The following HMGCLL1 variants were observed in gnomAD, a reference collection of about 807,000 sequenced individuals.
HMGCLL1 encodes 3-hydroxymethyl-3-methylglutaryl-CoA lyase, cytoplasmic.
In HMGCLL1, 36 loss-of-function variants were observed where a neutral mutation model predicts 39.1. The ratio of observed to expected loss-of-function variants is 0.92; its 90% confidence interval spans 0.71 to 1.22. The LOEUF (loss-of-function observed/expected upper bound fraction) is 1.22, where lower values mean the gene tolerates loss of function less well. Ranked by LOEUF, HMGCLL1 falls within the 50% of genes most tolerant of loss-of-function variation. The pLI is 0.00. For synonymous variants in HMGCLL1, 149 were observed against 144.0 expected, an observed-to-expected ratio of 1.03 and a Z score of -0.25; for missense variants, 451 against 416.5, an observed-to-expected ratio of 1.08 and a Z score of -0.72.
At chr6:55,515,769 A>G (rs1767706534) in intron 4 of HMGCLL1, among the ~76,000 whole-genome samples, 1 of 152,096 alleles carries the variant, frequency 6.6e-6, no homozygotes, top group Non-Finnish European at 1.5e-5. Context: ...ATCAAATCAA[A>G]CCCAAGAGAA....
intron 7 of HMGCLL1, among the ~76,000 whole-genome samples, chr6:55,485,188 C>T (rs527955678): frequency 6.6e-6 from 1 of 152,220 alleles, no homozygotes; most frequent in Non-Finnish European, 1.5e-5. Context: ...CTGCAACCTG[C>T]CCCCTTTCAC....
intron 3 of HMGCLL1, among the ~76,000 whole-genome samples, chr6:55,530,528 C>T (rs1002997723): frequency 8.6e-5 from 13 of 151,916 alleles, no homozygotes; most frequent in African/African-American, 2.9e-4. Context: ...TTTTTAAAAG[C>T]AAAATAAAAT....
chr6:55,495,586 T>G lies in HMGCLL1; in HGVS notation c.628A>C (p.Met210Leu). 1 of 1,610,558 alleles carries G rather than the reference T, an allele frequency of 6.2e-7. No individual in the cohort carries two copies. The highest frequency in any genetic ancestry group is 8.5e-7 in the Non-Finnish European group (1 of 1,178,388). Residue 210 changes from methionine (M) to leucine (L), a missense_variant, in exon 7 of 9, where the codon ATG becomes CTG. Coordinates refer to ENST00000274901, the MANE Select transcript of HMGCLL1 (RefSeq NM_001042406.2). ...CCTAGAGAGATCTCATAACAACCCA[T>G]GCCGTACAATCTCTTAGACACCTGT... ...VTEVSKRLYG[M>L]GCYEISLGDT...
Position 55,542,766 on chromosome 6 carries a change from G to A in HMGCLL1, c.109-626C>T, listed in dbSNP as rs192847440. 7.1e-3 allele frequency among the ~76,000 whole-genome samples: 1,021 copies of A among 142,888 alleles called. 14 individuals carry two copies. Among genetic ancestry groups the A allele is most frequent in the African/African-American group, 0.025 (963 of 38,428 alleles). 93.7% of individuals were successfully genotyped at this position (142,888 alleles called of 152,430 possible). ...TGCACTCCAGCCTTGGTGACAGTGCGGAATTCCATCTCAAAAAATATATAT... is the reference window on the plus strand; with the variant it reads ...TGCACTCCAGCCTTGGTGACAGTGCAGAATTCCATCTCAAAAAATATATAT... On this transcript the variant is annotated intron_variant, in intron 1 of 8. Coordinates refer to ENST00000274901, the MANE Select transcript of HMGCLL1 (RefSeq NM_001042406.2).
chr6:55,665,421 T>TTTAAGTGCACAC, the HMGCLL1 span, among the ~76,000 whole-genome samples: 5 of 151,706 alleles, frequency 3.3e-5, no homozygotes, highest in Non-Finnish European at 7.4e-5. Flanking sequence ...CACAAGGTAA[T>TTTAAGTGCACAC]TTAAGTGCAC....
intron 8 of HMGCLL1, among the ~76,000 whole-genome samples, chr6:55,437,120 G>A (rs377210453): frequency 6.6e-6 from 1 of 151,828 alleles, no homozygotes; most frequent in African/African-American, 2.4e-5. Context: ...TGTTGATATC[G>A]CACCAAAGAA....
chr6:55,564,248 G>C (rs570070796), intron 1 of HMGCLL1, among the ~76,000 whole-genome samples: 2 of 151,974 alleles, frequency 1.3e-5, no homozygotes, highest in East Asian at 3.9e-4. Context: ...TGTATAATTT[G>C]TTGCAGTATC....
the HMGCLL1 span, among the ~76,000 whole-genome samples, chr6:55,675,145 A>G: frequency 6.6e-6 from 1 of 152,168 alleles, no homozygotes; most frequent in African/African-American, 2.4e-5. Context: ...CCATGTAAAC[A>G]TGGGCATAAG....
intron 1 of HMGCLL1, among the ~76,000 whole-genome samples, chr6:55,573,464 T>C (rs1771619042): frequency 1.3e-5 from 2 of 152,152 alleles, no homozygotes; most frequent in East Asian, 3.9e-4. Context: ...TATAATATGA[T>C]AGAGAATTGT....
upstream of HMGCLL1, among the ~76,000 whole-genome samples, chr6:55,580,924 C>A (rs1771974982): frequency 6.6e-6 from 1 of 152,118 alleles, no homozygotes; most frequent in Non-Finnish European, 1.5e-5. Context: ...GTGAAATGGA[C>A]GGTACTGGTT....
intron 6 of HMGCLL1, 39 bp from the exon 7 acceptor site, chr6:55,495,646 T>C: frequency 2.7e-6 from 4 of 1,492,810 alleles, no homozygotes; most frequent in African/African-American, 2.8e-5. Context: ...ATAATGGAAA[T>C]GAAGAGACTC....
At chr6:55,609,146 G>A in the HMGCLL1 span, among the ~76,000 whole-genome samples, 5 of 152,224 alleles carry the variant, frequency 3.3e-5, no homozygotes, top group Admixed American at 6.5e-5. Context: ...CCTCCTCTCA[G>A]CTGGAATCTA....
chr6:55,549,355 GC>G (rs1770182052), intron 1 of HMGCLL1, among the ~76,000 whole-genome samples: 1 of 146,906 alleles, frequency 6.8e-6, no homozygotes. Context: ...AATTGTTTTT[GC>G]CCCCTGCAAA....
At chr6:55,570,031 G>A (rs1771398232) in intron 1 of HMGCLL1, among the ~76,000 whole-genome samples, 1 of 152,122 alleles carries the variant, frequency 6.6e-6, no homozygotes, top group Admixed American at 6.5e-5. Context: ...CCAGGACTTG[G>A]CTGAGGCTGA....
chr6:55,564,962 A>T (rs769749369), intron 1 of HMGCLL1, among the ~76,000 whole-genome samples: 7 of 152,066 alleles, frequency 4.6e-5, no homozygotes, highest in Non-Finnish European at 8.8e-5. Flanking sequence ...AACATGAATT[A>T]ATGATAGAAG....
At chr6:55,511,451 G>A (rs138446089) in intron 5 of HMGCLL1, among the ~76,000 whole-genome samples, 157 of 152,104 alleles carry the variant, frequency 1.0e-3, no homozygotes, top group African/African-American at 3.5e-3. Context: ...CTTCATAACT[G>A]TAATAAAAGC....
chr6:55,603,781 T>C, the HMGCLL1 span, among the ~76,000 whole-genome samples: 1 of 152,192 alleles, frequency 6.6e-6, no homozygotes, highest in South Asian at 2.1e-4. Flanking sequence ...TTTATGTTTC[T>C]ATAAAATGTA....
chr6:55,628,644 G>A, the HMGCLL1 span, among the ~76,000 whole-genome samples: 1 of 151,980 alleles, frequency 6.6e-6, no homozygotes, highest in African/African-American at 2.4e-5. Context: ...ATGTATTGGA[G>A]CCTGATATCA....
the HMGCLL1 span, among the ~76,000 whole-genome samples, chr6:55,634,548 C>T: frequency 1.3e-5 from 2 of 152,230 alleles, no homozygotes; most frequent in South Asian, 4.1e-4. Context: ...TCTAAAATGA[C>T]TAAAATGTTT....
Sources: gnomAD v4.1 joint callset for allele counts (sites outside exome capture counted in the v4.1 genomes callset) on GRCh38, gnomAD v4.1.1 for gene constraint, MANE v1.5 for transcripts, NCBI Gene and HGNC (gene_info 2026-07-23, HGNC 2026-07-21) for gene names.